Variants in JAM3 observed in about 807,000 individuals in gnomAD.
The protein encoded by JAM3 is junctional adhesion molecule 3.
JAM3 carries 31 observed loss-of-function variants against 39.4 expected under a neutral mutation model. The observed-to-expected ratio is 0.79, with a 90% CI of 0.59 to 1.06. The LOEUF is 1.06. Ranked by LOEUF, JAM3 falls within the 50% of genes least tolerant of loss-of-function variation. The pLI is 0.00. For missense variants in JAM3, 455 were observed against 391.4 expected (o/e 1.16, Z -1.37); for synonymous variants, 182 against 148.7 (o/e 1.22, Z -1.63).
chr11:134,109,779 A>G (rs1942275624), intron 1 of JAM3, among the ~76,000 whole-genome samples: 1 of 152,224 alleles, frequency 6.6e-6, no homozygotes, highest in South Asian at 2.1e-4. Flanking sequence ...TCAATTATGT[A>G]TTCATATTGT....
intron 1 of JAM3, among the ~76,000 whole-genome samples, chr11:134,125,659 G>C (rs1942634550): frequency 6.6e-6 from 1 of 152,190 alleles, no homozygotes; most frequent in African/African-American, 2.4e-5. Context: ...AGCTGAATCG[G>C]TGTTGAGAAC....
chr11:134,076,848 T>C (rs1214414551), intron 1 of JAM3, among the ~76,000 whole-genome samples: 1 of 149,664 alleles, frequency 6.7e-6, no homozygotes, highest in Admixed American at 6.6e-5. Flanking sequence ...TTTTTTTTTT[T>C]TTTTTGAGAT....
intron 1 of JAM3, among the ~76,000 whole-genome samples, chr11:134,111,474 C>G (rs1394707901): frequency 6.6e-6 from 1 of 152,038 alleles, no homozygotes; most frequent in Non-Finnish European, 1.5e-5. Flanking sequence ...TATGCACAAT[C>G]ATAAGGGAAA....
At chr11:134,141,208 A>G (rs941066045) in intron 3 of JAM3, among the ~76,000 whole-genome samples, 3 of 151,896 alleles carry the variant, frequency 2.0e-5, no homozygotes, top group African/African-American at 7.3e-5. Context: ...ATGGGGAGAA[A>G]ACACGGTGTA....
In JAM3 at chr11:134,117,387, G is replaced by A. The variant is rs547734437; in HGVS notation, c.77-22464G>A. ...AGCAAAAAACTCCATCTCAAAAAAAGAAAAACAATCCAAATTGGCGGGGAA... is the reference window on the plus strand; with the variant it reads ...AGCAAAAAACTCCATCTCAAAAAAAAAAAAACAATCCAAATTGGCGGGGAA... On this transcript the variant is annotated intron_variant, in intron 1 of 8. Coordinates refer to ENST00000299106, the MANE Select transcript of JAM3 (RefSeq NM_032801.5). Among the ~76,000 whole-genome samples the A allele has an allele frequency of 1.0e-3, 154 of 151,902 alleles. 3 individuals carry two copies. The South Asian group carries it at 0.02, about 19-fold the overall frequency.
chr11:134,076,623 A>G (rs1400297067), intron 1 of JAM3, among the ~76,000 whole-genome samples: 2 of 152,098 alleles, frequency 1.3e-5, no homozygotes, highest in Non-Finnish European at 2.9e-5. Flanking sequence ...GATTGATATT[A>G]ATCTGTGAAA....
intron 1 of JAM3, among the ~76,000 whole-genome samples, chr11:134,110,716 G>A (rs553973916): frequency 3.7e-4 from 44 of 118,772 alleles, no homozygotes; most frequent in African/African-American, 2.2e-3. Context: ...TGGGTAGGTC[G>A]GCTAGAAACC....
chr11:134,143,923 G>A (rs1219396578), intron 3 of JAM3, among the ~76,000 whole-genome samples: 1 of 152,150 alleles, frequency 6.6e-6, no homozygotes, highest in Non-Finnish European at 1.5e-5. Context: ...TTTTTCTAGT[G>A]GTGTTTTTTT....
At chr11:134,076,534 T>A (rs748477615) in intron 1 of JAM3, among the ~76,000 whole-genome samples, 6 of 152,226 alleles carry the variant, frequency 3.9e-5, no homozygotes, top group Non-Finnish European at 8.8e-5. Flanking sequence ...TCTGAAGTTC[T>A]TAGAGATCTA....
intron 1 of JAM3, among the ~76,000 whole-genome samples, chr11:134,085,878 G>A (rs1362082387): frequency 1.3e-5 from 2 of 152,178 alleles, no homozygotes; most frequent in Non-Finnish European, 1.5e-5. Context: ...TACTTCACTA[G>A]CTATTTTGGA....
At chr11:134,140,518 GTC>G (rs1471955425) in intron 2 of JAM3, 137 bp from the exon 3 acceptor site, 1 of 708,240 alleles carries the variant, frequency 1.4e-6, no homozygotes, top group Non-Finnish European at 2.5e-6. Flanking sequence ...CTTTCTCAAA[GTC>G]TCTTGGAGTG....
At chr11:134,111,028 A>G (rs1942298724) in intron 1 of JAM3, among the ~76,000 whole-genome samples, 1 of 151,428 alleles carries the variant, frequency 6.6e-6, no homozygotes, top group African/African-American at 2.4e-5. Flanking sequence ...AGCTTAGGGT[A>G]TAAGAATATA....
intron 1 of JAM3, among the ~76,000 whole-genome samples, chr11:134,077,908 T>C (rs2120581124): frequency 6.6e-6 from 1 of 152,036 alleles, no homozygotes; most frequent in South Asian, 2.1e-4. Context: ...CGCCTCGGCT[T>C]CCCAAAGTGC....
At chr11:134,110,969 C>T (rs1040449415) in intron 1 of JAM3, among the ~76,000 whole-genome samples, 20 of 151,628 alleles carry the variant, frequency 1.3e-4, no homozygotes. Context: ...TCCCTGACTC[C>T]CAAAACTGGA....
chr11:134,124,653 C>T (rs183114615), intron 1 of JAM3, among the ~76,000 whole-genome samples: 22 of 152,194 alleles, frequency 1.4e-4, no homozygotes, highest in Admixed American at 2.6e-4. Flanking sequence ...AAGTGTAGGT[C>T]GCTTTCCACT....
chr11:134,124,124 A>G, intron 1 of JAM3: 2 of 1,492,798 alleles, frequency 1.3e-6, no homozygotes, highest in South Asian at 2.3e-5. Flanking sequence ...GAGCTCCATC[A>G]TCAAATGGCC....
At chr11:134,148,994 A>ACACACACT (rs1270455448) in intron 8 of JAM3, 152 bp from the exon 9 acceptor site, 4 of 985,834 alleles carry the variant, frequency 4.1e-6, no homozygotes, top group Non-Finnish European at 6.3e-6. Context: ...ACACACACAC[A>ACACACACT]CTAATGGGAT....
At chr11:134,070,405 A>T (rs976235148) in intron 1 of JAM3, 3 of 354,846 alleles carry the variant, frequency 8.5e-6, no homozygotes, top group African/African-American at 6.4e-5. Context: ...GTGAAGGTGG[A>T]CAGATTTTGG....
chr11:134,107,561 A>G (rs952508379), intron 1 of JAM3, among the ~76,000 whole-genome samples: 4 of 152,180 alleles, frequency 2.6e-5, no homozygotes, highest in African/African-American at 9.7e-5. Context: ...AGACTAGGCC[A>G]CTAAAGCAGT....
Sources: gnomAD v4.1 joint callset for allele counts (sites outside exome capture counted in the v4.1 genomes callset) on GRCh38, gnomAD v4.1.1 for gene constraint, MANE v1.5 for transcripts, NCBI Gene and HGNC (gene_info 2026-07-23, HGNC 2026-07-21) for gene names.